Variants in TNKS observed in about 807,000 individuals in gnomAD.
TNKS encodes poly [ADP-ribose] polymerase tankyrase-1.
In TNKS, 72 loss-of-function variants were observed where a neutral mutation model predicts 135.8. The ratio of observed to expected loss-of-function variants is 0.53; its 90% CI spans 0.44 to 0.64. The LOEUF is 0.64. Among genes scored for constraint, TNKS ranks in the 30% least tolerant of loss-of-function variants. TNKS has a pLI of 0.00. For synonymous variants in TNKS, 849 were observed against 649.3 expected, an observed-to-expected ratio of 1.31 and a Z score of -4.68; for missense variants, 1,769 against 1,674.0, an observed-to-expected ratio of 1.06 and a Z score of -0.99.
Position 9,776,755 on chromosome 8 carries a change from G to C in TNKS, c.*19G>C, listed in dbSNP as rs1448159918. The stretch of plus-strand genomic sequence containing the variant: ...GACCTAGTGAATGCCTGCTGGTGAA[G>C]GCCAGATCAGATTTCAACCTGGGAC... On this transcript the variant is annotated 3_prime_UTR_variant, in exon 27 of 27. Transcript: ENST00000310430. 3.1e-6 allele frequency: 5 copies of C among 1,610,722 alleles called. No individual in the cohort carries two copies. The highest frequency in any genetic ancestry group is 4.2e-6 in the Non-Finnish European group (5 of 1,177,184).
chr8:9,766,537 A>C (rs938962037), intron 25 of TNKS, 112 bp downstream of exon 25: 225 of 1,001,776 alleles, frequency 2.2e-4, no homozygotes, highest in Non-Finnish European at 2.9e-4. Flanking sequence ...CCCAGGCTGG[A>C]GTGCGGTGGC....
chr8:9,764,594 T>G (rs1396309883), intron 22 of TNKS, 122 bp from the exon 23 acceptor site: 3 of 585,952 alleles, frequency 5.1e-6, no homozygotes, highest in African/African-American at 3.9e-5. Flanking sequence ...ACTTATCCAC[T>G]AAACTTGTTC....
chr8:9,767,870 A>T (rs1326276125), intron 25 of TNKS, among the ~76,000 whole-genome samples: 2 of 151,510 alleles, frequency 1.3e-5, no homozygotes, highest in Non-Finnish European at 2.9e-5. Context: ...GAGGCAGGAG[A>T]ATGGTGAGTA....
At chr8:9,638,354 T>C (rs1294343498) in intron 3 of TNKS, among the ~76,000 whole-genome samples, 1 of 152,250 alleles carries the variant, frequency 6.6e-6, no homozygotes, top group Non-Finnish European at 1.5e-5. Context: ...AGTTAAAGTA[T>C]ACCTTGGGCC....
At chr8:9,772,464 T>C (rs1401213971) in intron 26 of TNKS, 2 of 453,082 alleles carry the variant, frequency 4.4e-6, no homozygotes, top group Admixed American at 4.8e-5. Flanking sequence ...CTTTTTTTAA[T>C]GTTGAAAGAT....
chr8:9,751,655 C>A lies in TNKS; in HGVS notation c.2879C>A (p.Ala960Asp). The part of the protein sequence containing the change: ...ALLIDAMPPE[A>D]LPTCFKPQAT... ...CTGATAGATGCCATGCCCCCAGAGG[C>A]CTTACCTACCTGTTTTAAACCTCAG... The change falls in exon 19 of 27, where the codon GCC (alanine) becomes GAC (aspartate). Residue 960 changes from alanine (A) to aspartate (D), a missense_variant. Physicochemically the swap from Ala to Asp is moderately radical, Grantham distance 126. Around this residue, in one of 5 missense-constraint regions of TNKS, gnomAD observed 722 missense variants for 688.9 expected, o/e 1.05. Transcript: ENST00000310430. The A allele has an allele frequency of 6.2e-7, 1 of 1,614,210 alleles. No individual in the cohort carries two copies. The highest frequency in any genetic ancestry group is 8.5e-7 in the Non-Finnish European group (1 of 1,180,036).
intron 1 of TNKS, among the ~76,000 whole-genome samples, chr8:9,567,745 A>T (rs1232931665): frequency 6.6e-6 from 1 of 152,198 alleles, no homozygotes; most frequent in Non-Finnish European, 1.5e-5. Context: ...AAGACTATAT[A>T]GAGTTGTTAG....
chr8:9,566,701 C>G (rs982825233), intron 1 of TNKS, among the ~76,000 whole-genome samples: 2 of 150,394 alleles, frequency 1.3e-5, no homozygotes, highest in Non-Finnish European at 3.0e-5. Flanking sequence ...CTCCGCCTCC[C>G]GGGTTCACGC....
At chr8:9,559,210 C>T (rs116240699) in intron 1 of TNKS, among the ~76,000 whole-genome samples, 159 of 152,164 alleles carry the variant, frequency 1.0e-3, no homozygotes, top group African/African-American at 3.7e-3. Flanking sequence ...AGTGTCTAAT[C>T]TAGAGTGATA....
chr8:9,758,287 C>T (rs1255239891), intron 20 of TNKS, among the ~76,000 whole-genome samples: 1 of 152,100 alleles, frequency 6.6e-6, no homozygotes, highest in Admixed American at 6.6e-5. Context: ...TATTTATATT[C>T]AGTTGCAAGT....
chr8:9,729,256 T>A (rs1805305480), intron 13 of TNKS, among the ~76,000 whole-genome samples: 2 of 152,180 alleles, frequency 1.3e-5, no homozygotes, highest in South Asian at 4.1e-4. Context: ...CATTGGAGAT[T>A]AAGTTTCAAC....
At chr8:9,598,212 A>AT (rs1465393354) in intron 2 of TNKS, among the ~76,000 whole-genome samples, 1 of 151,936 alleles carries the variant, frequency 6.6e-6, no homozygotes, top group Admixed American at 6.6e-5. Flanking sequence ...TGCCCGGCTA[A>AT]TTTTTTATAT....
chr8:9,720,018 C>T (rs1202364514), intron 11 of TNKS, among the ~76,000 whole-genome samples: 1 of 152,104 alleles, frequency 6.6e-6, no homozygotes, highest in Non-Finnish European at 1.5e-5. Context: ...TCCATTCATT[C>T]AGAAGAATTT....
chr8:9,623,970 C>G (rs554593470), intron 3 of TNKS, among the ~76,000 whole-genome samples: 5 of 152,194 alleles, frequency 3.3e-5, no homozygotes, highest in African/African-American at 1.2e-4. Flanking sequence ...CCACTGTACT[C>G]CAGTCTGGGT....
chr8:9,609,058 C>G (rs141302005), intron 2 of TNKS, among the ~76,000 whole-genome samples: 1 of 152,184 alleles, frequency 6.6e-6, no homozygotes. Context: ...TTCTTTTATA[C>G]ATTTGCCCTA....
At chr8:9,680,624 C>A (rs1802742960) in intron 4 of TNKS, 101 bp from the exon 5 acceptor site, 2 of 745,332 alleles carry the variant, frequency 2.7e-6, no homozygotes, top group South Asian at 1.7e-5. Context: ...TAAAAGAAAT[C>A]AAAGCAAACC....
chr8:9,562,602 T>G (rs1479104512), intron 1 of TNKS, among the ~76,000 whole-genome samples: 1 of 152,224 alleles, frequency 6.6e-6, no homozygotes, highest in Non-Finnish European at 1.5e-5. Context: ...TGTTGCTTTT[T>G]AAGACATTCT....
chr8:9,606,924 T>C (rs978793787), intron 2 of TNKS, among the ~76,000 whole-genome samples: 1 of 152,126 alleles, frequency 6.6e-6, no homozygotes, highest in Non-Finnish European at 1.5e-5. Flanking sequence ...CCCAAGGTGT[T>C]TCCCATGTTT....
At chr8:9,694,095 C>T (rs1418162444) in intron 5 of TNKS, among the ~76,000 whole-genome samples, 1 of 152,170 alleles carries the variant, frequency 6.6e-6, no homozygotes, top group Non-Finnish European at 1.5e-5. Context: ...TACAGCTTCA[C>T]AGTTGTGATT....
Sources: allele counts gnomAD v4.1 joint callset (sites outside exome capture counted in the v4.1 genomes callset), GRCh38; gene constraint gnomAD v4.1.1; regional missense constraint gnomAD v4.1.1; transcripts MANE v1.5; gene names NCBI Gene and HGNC (gene_info 2026-07-23, HGNC 2026-07-21).